The following PDLIM4 variants were observed in gnomAD, a reference collection of about 807,000 sequenced individuals.
The protein encoded by PDLIM4 is PDZ and LIM domain protein 4.
A neutral mutation model predicts 31.3 loss-of-function variants in PDLIM4; 19 were observed. The ratio of observed to expected loss-of-function variants is 0.61; its 90% confidence interval spans 0.42 to 0.89. The LOEUF (loss-of-function observed/expected upper bound fraction) is 0.89, where lower values mean the gene tolerates loss of function less well. Ranked by LOEUF, PDLIM4 falls within the 40% of genes least tolerant of loss-of-function variation. The probability of loss-of-function intolerance (pLI) is 0.00; values close to 1 mark genes in which losing one functional copy is unlikely to be tolerated. For synonymous variants in PDLIM4, 176 were observed against 190.1 expected (o/e 0.93, Z 0.61); for missense variants, 442 against 461.1 (o/e 0.96, Z 0.38).
At chr5:132,259,786 A>G (rs1055489299) in intron 1 of PDLIM4, among the ~76,000 whole-genome samples, 1 of 152,078 alleles carries the variant, frequency 6.6e-6, no homozygotes, top group Non-Finnish European at 1.5e-5. Flanking sequence ...GGGGCTTGCA[A>G]TCTCAGCCCA....
chr5:132,263,409 G>T (rs1756419013), intron 2 of PDLIM4, among the ~76,000 whole-genome samples: 1 of 151,944 alleles, frequency 6.6e-6, no homozygotes, highest in Non-Finnish European at 1.5e-5. Flanking sequence ...TCCCACTAAG[G>T]ACTGTGTAAT....
In PDLIM4 at chr5:132,257,918, C is replaced by A; in HGVS notation, c.93+91C>A. 1 of 718,180 alleles carries A rather than the reference C, an allele frequency of 1.4e-6. No homozygotes were observed. Among genetic ancestry groups the A allele is most frequent in the Non-Finnish European group, 2.1e-6 (1 of 486,900 alleles). The allele number at this position is 718,180 out of a possible 1,614,324, so 44.5% of individuals were successfully genotyped here. A position where few individuals can be genotyped will look rare whatever the true frequency, so the allele number is the denominator to read the frequency against. ...CCGGGACCCAGATCCCCTGTGTATC[C>A]GAGGCTTGAAGGCGGAGGGTTGGCC... On this transcript the variant is annotated intron_variant, in intron 1 of 6. Transcript: ENST00000253754. The surrounding 1 kb of genome is among the most constrained non-coding windows in gnomAD (Gnocchi z 4.3).
intron 2 of PDLIM4, among the ~76,000 whole-genome samples, chr5:132,264,981 GC>G (rs1340396470): frequency 6.6e-6 from 1 of 152,040 alleles, no homozygotes; most frequent in Non-Finnish European, 1.5e-5. Context: ...TTTGCTTTGA[GC>G]CCAAAGCCAG....
At chr5:132,271,233 C>A in intron 4 of PDLIM4, 70 bp from the exon 5 acceptor site, 1 of 1,526,480 alleles carries the variant, frequency 6.6e-7, no homozygotes. Flanking sequence ...TAAGCCTTAC[C>A]AGACCCCAAG....
chr5:132,271,082 TCC>T lies in PDLIM4; in HGVS notation c.496_497del (p.Pro166ThrfsTer5). 6.2e-7 allele frequency: 1 copy of T among 1,613,784 alleles called. No homozygotes were observed. The highest frequency in any genetic ancestry group is 8.5e-7 in the Non-Finnish European group (1 of 1,179,800). Reference protein sequence around the residue: ...PAQMSTLHVSPPPSADPARGL... With the variant: ...PAQMSTLHVSXPPSADPARGL... Reference sequence around the variant, plus strand: ...CCCAGATGAGCACCCTGCATGTGTCTCCACCCCCCAGGTAGCACAGAGATGCC... The same window carrying T: ...CCCAGATGAGCACCCTGCATGTGTCTACCCCCCAGGTAGCACAGAGATGCC... On this transcript the variant is annotated frameshift_variant, in exon 4 of 7. Coordinates refer to ENST00000253754, the MANE Select transcript of PDLIM4 (RefSeq NM_003687.4). LOFTEE classifies it high-confidence loss of function.
Position 132,271,868 on chromosome 5 carries a change from CA to C in PDLIM4, c.749del (p.Gln250ArgfsTer37). 6.2e-7 allele frequency: 1 copy of C among 1,610,958 alleles called. No individual in the cohort carries two copies. Among genetic ancestry groups the C allele is most frequent in the South Asian group, 1.1e-5 (1 of 90,942 alleles). On this transcript the variant is annotated frameshift_variant, in exon 6 of 7. Transcript: ENST00000253754. LOFTEE classifies it high-confidence loss of function. ...SKLGAPLSGLQGLPECTRCGH... is the reference protein window; with the variant it reads ...SKLGAPLSGLXGLPECTRCGH... ...GCTGGGCGCTCCGCTGAGCGGCCTG[CA>C]GGGGCTGCCCGAGTGCACGCGCTGC...
chr5:132,266,990 C>G (rs374345465), intron 3 of PDLIM4, among the ~76,000 whole-genome samples: 1 of 152,216 alleles, frequency 6.6e-6, no homozygotes, highest in East Asian at 1.9e-4. Context: ...AAGTTCTCTC[C>G]TGGCCATCCT....
chr5:132,272,658 A>C lies in PDLIM4; in HGVS notation c.*429A>C. 1 of 253,152 alleles carries C rather than the reference A, an allele frequency of 4.0e-6. No homozygotes were observed. 15.7% of individuals were successfully genotyped at this position (253,152 alleles called of 1,614,324 possible). Reference sequence around the variant, plus strand: ...CTCTGCACGGGGGAACTGTGTGTGCAAAGGTGAGCTGGGGGCGAGAAAGGC... The same window carrying C: ...CTCTGCACGGGGGAACTGTGTGTGCCAAGGTGAGCTGGGGGCGAGAAAGGC... On this transcript the variant is annotated 3_prime_UTR_variant, in exon 7 of 7. Coordinates refer to ENST00000253754, the MANE Select transcript of PDLIM4 (RefSeq NM_003687.4).
chr5:132,258,609 C>T (rs1756298381), intron 1 of PDLIM4, among the ~76,000 whole-genome samples: 1 of 152,156 alleles, frequency 6.6e-6, no homozygotes, highest in Non-Finnish European at 1.5e-5. Context: ...GAGGGGGTGC[C>T]TGTCTAGGGG....
At chr5:132,266,337 G>A in intron 2 of PDLIM4, 127 bp from the exon 3 acceptor site, 1 of 629,574 alleles carries the variant, frequency 1.6e-6, no homozygotes, top group South Asian at 2.0e-5. Context: ...TGGTACAGGG[G>A]AAAGCACTGG....
rs1250512759 is a variant in PDLIM4, at chr5:132,271,830, C to G, written c.710C>G (p.Pro237Arg). The change falls in exon 6 of 7, where the codon CCC (proline) becomes CGC (arginine). Residue 237 changes from proline to arginine, a missense_variant. Pro to Arg is a moderately radical substitution (Grantham distance 103). Transcript: ENST00000253754. ...PGPGGPRNLK[P>R]TASKLGAPLS... ...CCTGGCGGCCCCCGGAACCTCAAGC[C>G]CACGGCCAGCAAGCTGGGCGCTCCG... 1.2e-6 allele frequency: 2 copies of G among 1,612,814 alleles called. No homozygotes were observed. The highest frequency in any genetic ancestry group is 2.7e-5 in the African/African-American group (2 of 74,922).
At chr5:132,271,970 G>A (rs563176113) in intron 6 of PDLIM4, 55 bp from the exon 7 acceptor site, 44 of 1,592,734 alleles carry the variant, frequency 2.8e-5, no homozygotes, top group South Asian at 7.7e-5. Context: ...GGATGCGGGC[G>A]CAGTCGTGAA....
chr5:132,271,546 C>T (rs1435435263), intron 5 of PDLIM4, 80 bp downstream of exon 5: 12 of 1,425,386 alleles, frequency 8.4e-6, no homozygotes, highest in Non-Finnish European at 8.8e-6. Context: ...CCCCACGTCC[C>T]GCCTCGCAGT....
At position 132,271,478 on chromosome 5, in the gene PDLIM4, G is replaced by C. The variant is rs373087742; in HGVS notation, c.670+12G>C. On this transcript the variant is annotated intron_variant, in intron 5 of 6. Transcript: ENST00000253754. The stretch of plus-strand genomic sequence containing the variant: ...GGCCGGCGAGGGCGGTAAGACGCCT[G>C]CCACCTGTCCCCATCTGCCTTCCCA... 1.7e-5 allele frequency: 28 copies of C among 1,606,654 alleles called. No individual in the cohort carries two copies. The highest frequency in any genetic ancestry group is 2.3e-5 in the Non-Finnish European group (27 of 1,179,670).
rs575526852 is a variant in PDLIM4 at position 132,262,169 on chromosome 5, C to T, written c.94-440C>T. The stretch of plus-strand genomic sequence containing the variant: ...AATCAAGCAAGTAGGAAGGCAAGGT[C>T]ACTAAGGGTTTGAATATTAGGTCAA... On this transcript the variant is annotated intron_variant, in intron 1 of 6. Coordinates refer to ENST00000253754, the MANE Select transcript of PDLIM4 (RefSeq NM_003687.4). Among the ~76,000 whole-genome samples, 15 of 152,224 alleles carry T rather than the reference C, an allele frequency of 9.9e-5. No homozygotes were observed. The South Asian group carries it at 2.7e-3, about 27-fold the overall frequency.
rs944430938 is a variant in PDLIM4, at chr5:132,273,113, G to A, written c.*884G>A. 1.3e-5 allele frequency: 2 copies of A among 152,284 alleles called. No homozygotes were observed. Among genetic ancestry groups the A allele is most frequent in the African/African-American group, 4.8e-5 (2 of 41,404 alleles). The allele number at this position is 152,284 out of a possible 1,614,324, so 9.4% of individuals were successfully genotyped here. On this transcript the variant is annotated 3_prime_UTR_variant, in exon 7 of 7. Transcript: ENST00000253754. ...TTACCTCGTGGTGTGTTTGCCTTGGGCCTTTCATGCCCCGGCTGCACACAT... is the reference window on the plus strand; with the variant it reads ...TTACCTCGTGGTGTGTTTGCCTTGGACCTTTCATGCCCCGGCTGCACACAT...
intron 4 of PDLIM4, 53 bp from the exon 5 acceptor site, chr5:132,271,250 G>C (rs1756603794): frequency 1.3e-6 from 2 of 1,551,080 alleles, no homozygotes; most frequent in Non-Finnish European, 1.8e-6. Flanking sequence ...CAAGTCCACA[G>C]GGTGAAGGCT....
rs764038997 is a variant in PDLIM4 at position 132,272,579 on chromosome 5, G to A, written c.*350G>A. On this transcript the variant is annotated 3_prime_UTR_variant, in exon 7 of 7. Transcript: ENST00000253754. ...GGCGCGACGACAGGAGGTATGACCT[G>A]GGTGGGGTCAGGGAAAGTCTTAGCT... The A allele has an allele frequency of 5.6e-6, 2 of 355,914 alleles. No individual in the cohort carries two copies. The highest frequency in any genetic ancestry group is 1.1e-5 in the Non-Finnish European group (2 of 184,584). 22.0% of individuals were successfully genotyped at this position (355,914 alleles called of 1,614,324 possible).
intron 5 of PDLIM4, 123 bp downstream of exon 5, chr5:132,271,589 C>A: frequency 8.9e-7 from 1 of 1,125,202 alleles, no homozygotes; most frequent in Non-Finnish European, 1.3e-6. Flanking sequence ...CGGCCCGGTC[C>A]CACGCCCTTG....
Sources: allele counts gnomAD v4.1 joint callset (sites outside exome capture counted in the v4.1 genomes callset), GRCh38; gene constraint gnomAD v4.1.1; non-coding constraint Gnocchi (gnomAD v3.1); transcripts MANE v1.5; gene names NCBI Gene and HGNC (gene_info 2026-07-23, HGNC 2026-07-21).